The following DAG1 variants were observed in gnomAD, a reference collection of about 807,000 sequenced individuals.
DAG1 encodes the protein dystroglycan 1.
In DAG1, 8 loss-of-function variants were observed where a neutral mutation model predicts 46.1. That is an observed-to-expected ratio of 0.17 (90% CI 0.10 to 0.31). DAG1 has a LOEUF of 0.31. DAG1 is among the 10% of genes least tolerant of loss of function. The pLI, the probability that DAG1 is intolerant of heterozygous loss-of-function variation, is 1.00. For missense variants in DAG1, 1,003 were observed against 1,189.9 expected (o/e 0.84, Z 2.31); for synonymous variants, 495 against 481.8 (o/e 1.03, Z -0.36).
At chr3:49,477,828 G>A (rs560512348) in intron 1 of DAG1, among the ~76,000 whole-genome samples, 4 of 152,112 alleles carry the variant, frequency 2.6e-5, no homozygotes, top group Admixed American at 2.6e-4. Flanking sequence ...TGGGCGTGGT[G>A]GCAGGTGCCT....
chr3:49,478,534 T>TG (rs1189648566), intron 1 of DAG1, among the ~76,000 whole-genome samples: 18 of 126,470 alleles, frequency 1.4e-4, no homozygotes, highest in East Asian at 4.0e-4. Flanking sequence ...AGAGTTTTTT[T>TG]TTTTTTTTTT....
At chr3:49,529,184 T>G (rs1315177552) in intron 2 of DAG1, among the ~76,000 whole-genome samples, 3 of 151,964 alleles carry the variant, frequency 2.0e-5, no homozygotes, top group African/African-American at 2.4e-5. Flanking sequence ...GTCAGTAATC[T>G]CATGGTTAAA....
intron 1 of DAG1, among the ~76,000 whole-genome samples, chr3:49,493,834 C>T (rs2050247142): frequency 6.6e-6 from 1 of 152,194 alleles, no homozygotes; most frequent in African/African-American, 2.4e-5. Flanking sequence ...TGGTGGGCAT[C>T]CCTGTCCATA....
rs189672758 is a variant in DAG1 at position 49,473,323 on chromosome 3, G to A, written c.-117+2890G>A. 2.7e-3 allele frequency among the ~76,000 whole-genome samples: 415 copies of A among 151,934 alleles called. 3 individuals are homozygous for A. Among genetic ancestry groups the A allele is most frequent in the African/African-American group, 9.3e-3 (385 of 41,470 alleles). On this transcript the variant is annotated intron_variant, in intron 1 of 2. Coordinates refer to ENST00000308775, the MANE Select transcript of DAG1 (RefSeq NM_004393.6). ...CCAGCTACTCATTCTCCTGGAGGCT[G>A]AGGCAGGAGAATGGCGTGAACCCGG...
intron 2 of DAG1, among the ~76,000 whole-genome samples, chr3:49,515,413 G>T (rs1446523487): frequency 2.7e-5 from 4 of 147,836 alleles, no homozygotes; most frequent in Non-Finnish European, 4.5e-5. Context: ...TTGAGACAGG[G>T]TCTTGCTCTG....
At chr3:49,473,563 A>G (rs988871476) in intron 1 of DAG1, among the ~76,000 whole-genome samples, 7 of 151,662 alleles carry the variant, frequency 4.6e-5, no homozygotes, top group Admixed American at 1.3e-4. Flanking sequence ...AGTTGAGAGC[A>G]TATTTCATTT....
chr3:49,474,013 G>C (rs529103903), intron 1 of DAG1, among the ~76,000 whole-genome samples: 1 of 151,834 alleles, frequency 6.6e-6, no homozygotes, highest in African/African-American at 2.4e-5. Flanking sequence ...TCAGCATCCT[G>C]AGTAGCTAGG....
At chr3:49,478,067 G>C (rs2106910666) in intron 1 of DAG1, among the ~76,000 whole-genome samples, 1 of 151,672 alleles carries the variant, frequency 6.6e-6, no homozygotes, top group South Asian at 2.1e-4. Context: ...AGGAGTCCAA[G>C]ACCAGCCTGG....
At chr3:49,471,248 TC>T (rs1024990495) in intron 1 of DAG1, among the ~76,000 whole-genome samples, 10 of 152,130 alleles carry the variant, frequency 6.6e-5, no homozygotes, top group African/African-American at 2.4e-4. Flanking sequence ...GCCTGCTGCT[TC>T]CCTAAATAAG....
intron 1 of DAG1, among the ~76,000 whole-genome samples, chr3:49,470,754 C>T (rs1054240226): frequency 2.0e-5 from 3 of 152,218 alleles, no homozygotes; most frequent in Non-Finnish European, 4.4e-5. Context: ...GAGCCGCCTG[C>T]GGGCCGCCTC....
At chr3:49,519,992 C>T (rs1215369968) in intron 2 of DAG1, among the ~76,000 whole-genome samples, 3 of 152,184 alleles carry the variant, frequency 2.0e-5, no homozygotes, top group African/African-American at 4.8e-5. Flanking sequence ...GATCCTGTGG[C>T]GTTGGTGTTT....
At chr3:49,472,858 G>A (rs1027891367) in intron 1 of DAG1, among the ~76,000 whole-genome samples, 4 of 151,926 alleles carry the variant, frequency 2.6e-5, no homozygotes, top group South Asian at 4.2e-4. Flanking sequence ...GGTGGCTCAC[G>A]CCTGTAATCC....
At chr3:49,475,979 T>G (rs757936546) in intron 1 of DAG1, among the ~76,000 whole-genome samples, 3 of 151,882 alleles carry the variant, frequency 2.0e-5, no homozygotes, top group Non-Finnish European at 4.4e-5. Context: ...CCTCCCAAGG[T>G]GCTGGGATTA....
At chr3:49,519,635 C>T (rs892624581) in intron 2 of DAG1, among the ~76,000 whole-genome samples, 6 of 152,102 alleles carry the variant, frequency 3.9e-5, no homozygotes, top group African/African-American at 9.7e-5. Flanking sequence ...CCGGGAAATG[C>T]GGGTTGGCGA....
chr3:49,480,683 A>G (rs930926668), intron 1 of DAG1, among the ~76,000 whole-genome samples: 2 of 135,442 alleles, frequency 1.5e-5, no homozygotes, highest in African/African-American at 2.6e-5. Flanking sequence ...TGTTTTAGCT[A>G]TTTCCTACAG....
intron 1 of DAG1, among the ~76,000 whole-genome samples, chr3:49,492,478 C>G (rs1575360652): frequency 6.6e-6 from 1 of 151,996 alleles, no homozygotes; most frequent in African/African-American, 2.4e-5. Flanking sequence ...AAGGCCCCAT[C>G]TCTACAAAAG....
At chr3:49,486,230 A>T (rs1021811991) in intron 1 of DAG1, among the ~76,000 whole-genome samples, 2 of 145,118 alleles carry the variant, frequency 1.4e-5, no homozygotes, top group Admixed American at 6.8e-5. Flanking sequence ...TTATTTATTT[A>T]TTTTTTGAGA....
chr3:49,499,483 A>AT (rs1491284885), intron 1 of DAG1, among the ~76,000 whole-genome samples: 1 of 152,226 alleles, frequency 6.6e-6, no homozygotes. Flanking sequence ...ATGAGGAAAC[A>AT]TTAAGTTTAT....
At position 49,532,693 on chromosome 3, in the gene DAG1, C is replaced by T. The variant is rs1160875851; in HGVS notation, c.2182C>T (p.Pro728Ser). The change falls in exon 3 of 3, where the codon CCC (proline) becomes TCC (serine). Residue 728 changes from proline (P) to serine (S), a missense_variant. Around this residue, in one of 3 missense-constraint regions of DAG1, gnomAD observed 755 missense variants for 854.1 expected, o/e 0.88. Coordinates refer to ENST00000308775, the MANE Select transcript of DAG1 (RefSeq NM_004393.6). This position sits in a 1 kb window ranked among gnomAD's most constrained non-coding sequence, Gnocchi z 5.4. ...CCCTGTGGTACCACCCAGGAGAGTG[C>T]CCTCAGAGGCGCCGCCCACAGAAGT... Reference protein sequence around the residue: ...FIPVVPPRRVPSEAPPTEVPD... With the variant: ...FIPVVPPRRVSSEAPPTEVPD... The T allele has an allele frequency of 6.2e-7, 1 of 1,614,032 alleles. No homozygotes were observed. The highest frequency in any genetic ancestry group is 8.5e-7 in the Non-Finnish European group (1 of 1,180,054).
Sources: gnomAD v4.1 joint callset for allele counts (sites outside exome capture counted in the v4.1 genomes callset) on GRCh38, gnomAD v4.1.1 for gene constraint, gnomAD v4.1.1 regional missense constraint, Gnocchi (gnomAD v3.1) non-coding constraint, MANE v1.5 for transcripts, NCBI Gene and HGNC (gene_info 2026-07-23, HGNC 2026-07-21) for gene names.